CREB5: variants seen among roughly 807,000 people sequenced by gnomAD.
CREB5 encodes the protein cyclic AMP-responsive element-binding protein 5.
CREB5 carries 19 observed loss-of-function variants against 57.1 expected under a neutral mutation model. The ratio of observed to expected loss-of-function variants is 0.33; its 90% confidence interval spans 0.23 to 0.49. The LOEUF (loss-of-function observed/expected upper bound fraction) is 0.49. Among genes scored for constraint, CREB5 ranks in the 20% least tolerant of loss-of-function variants. CREB5 has a pLI of 0.99. For synonymous variants in CREB5, 238 were observed against 238.3 expected (o/e 1.00, Z 0.01); for missense variants, 579 against 671.6 (o/e 0.86, Z 1.52).
At chr7:28,477,280 C>T (rs775909710) in intron 1 of CREB5, among the ~76,000 whole-genome samples, 3 of 152,116 alleles carry the variant, frequency 2.0e-5, no homozygotes, top group Non-Finnish European at 4.4e-5. Flanking sequence ...TTCCCTTCCC[C>T]TTTCTTCAGC....
intron 1 of CREB5, among the ~76,000 whole-genome samples, chr7:28,305,455 G>A (rs1785166417): frequency 6.6e-6 from 1 of 152,166 alleles, no homozygotes; most frequent in Non-Finnish European, 1.5e-5. Flanking sequence ...GCTTTCCCCT[G>A]GGAATTCTAG....
At chr7:28,348,443 CAG>C (rs1405756037) in intron 1 of CREB5, among the ~76,000 whole-genome samples, 2 of 144,974 alleles carry the variant, frequency 1.4e-5, no homozygotes, top group East Asian at 2.1e-4. Flanking sequence ...CACACACACA[CAG>C]ACACCTTGCA....
intron 4 of CREB5, among the ~76,000 whole-genome samples, chr7:28,539,723 A>T (rs1250719101): frequency 6.6e-6 from 1 of 152,180 alleles, no homozygotes; most frequent in African/African-American, 2.4e-5. Context: ...TTTCAGTCTG[A>T]GTAAAGGCAC....
chr7:28,391,087 G>A (rs1787207273), intron 1 of CREB5, among the ~76,000 whole-genome samples: 1 of 152,100 alleles, frequency 6.6e-6, no homozygotes, highest in Non-Finnish European at 1.5e-5. Context: ...TGTCATCCTA[G>A]CACATTGGCT....
intron 7 of CREB5, among the ~76,000 whole-genome samples, chr7:28,788,915 AG>A (rs928787664): frequency 5.3e-5 from 8 of 151,926 alleles, no homozygotes; most frequent in Admixed American, 1.3e-4. Flanking sequence ...GGCTCCCTAG[AG>A]GGAAATAAGA....
intron 1 of CREB5, among the ~76,000 whole-genome samples, chr7:28,324,189 A>G (rs901864209): frequency 6.6e-6 from 1 of 152,184 alleles, no homozygotes. Flanking sequence ...GCTCCTGTTT[A>G]AAGAACATAA....
chr7:28,760,410 C>G (rs1237908914), intron 7 of CREB5, among the ~76,000 whole-genome samples: 3 of 152,132 alleles, frequency 2.0e-5, no homozygotes, highest in African/African-American at 4.8e-5. Flanking sequence ...TTACAAGGGC[C>G]CACTGATTAT....
intron 1 of CREB5, among the ~76,000 whole-genome samples, chr7:28,445,552 CTTT>C (rs879648466): frequency 7.0e-6 from 1 of 143,328 alleles, no homozygotes. Context: ...TCTTCTTTTT[CTTT>C]TTTTTTTTTT....
At chr7:28,766,324 T>G (rs1324555232) in intron 7 of CREB5, among the ~76,000 whole-genome samples, 2 of 152,044 alleles carry the variant, frequency 1.3e-5, no homozygotes, top group East Asian at 3.9e-4. Context: ...TGGAACAAGC[T>G]CCCTCAAACT....
chr7:28,749,773 G>A (rs1348317492), intron 7 of CREB5, among the ~76,000 whole-genome samples: 1 of 151,966 alleles, frequency 6.6e-6, no homozygotes, highest in African/African-American at 2.4e-5. Context: ...AGGTTGCTAG[G>A]GGTACCTAAT....
chr7:28,790,472 G>GAGAGAGAGAGAGAGAA (rs1562643098), intron 7 of CREB5, among the ~76,000 whole-genome samples: 19 of 124,936 alleles, frequency 1.5e-4, no homozygotes, highest in South Asian at 4.8e-4. Flanking sequence ...TAGAGAGAGA[G>GAGAGAGAGAGAGAGAA]AGAAAGAAAG....
intron 1 of CREB5, among the ~76,000 whole-genome samples, chr7:28,480,059 G>C (rs554944048): frequency 2.6e-5 from 4 of 151,306 alleles, no homozygotes; most frequent in Admixed American, 2.0e-4. Context: ...AAAATCATCT[G>C]CATGTGTGAA....
chr7:28,523,426 C>G (rs893765283), intron 4 of CREB5, among the ~76,000 whole-genome samples: 3 of 152,064 alleles, frequency 2.0e-5, no homozygotes, highest in Non-Finnish European at 2.9e-5. Flanking sequence ...CTAGTTGGGT[C>G]AGGAGCCAAG....
chr7:28,671,221 A>C (rs1583515215), intron 5 of CREB5, among the ~76,000 whole-genome samples: 1 of 151,332 alleles, frequency 6.6e-6, no homozygotes, highest in African/African-American at 2.4e-5. Context: ...TCACCACTGC[A>C]CTCCAGCCTG....
chr7:28,431,355 T>C (rs1788706423), intron 1 of CREB5, among the ~76,000 whole-genome samples: 1 of 152,178 alleles, frequency 6.6e-6, no homozygotes, highest in African/African-American at 2.4e-5. Flanking sequence ...GCATTCATAA[T>C]GTCACACTAT....
chr7:28,349,889 G>A (rs140281404), intron 1 of CREB5, among the ~76,000 whole-genome samples: 89 of 152,348 alleles, frequency 5.8e-4, no homozygotes, highest in African/African-American at 1.9e-3. Flanking sequence ...TGCTTCCTGT[G>A]TGGTAGCTCT....
In CREB5 at chr7:28,687,906, G is replaced by A. The variant is rs936505255; in HGVS notation, c.465-30847G>A. Reference sequence around the variant, plus strand: ...AACCATCTGGGCACTACTCTAAAGAGCAGGAAAGGGCAAGGTGGGCTAGAA... The same window carrying A: ...AACCATCTGGGCACTACTCTAAAGAACAGGAAAGGGCAAGGTGGGCTAGAA... On this transcript the variant is annotated intron_variant, in intron 5 of 10. Coordinates refer to ENST00000357727, the MANE Select transcript of CREB5 (RefSeq NM_182898.4). 3.3e-5 allele frequency among the ~76,000 whole-genome samples: 5 copies of A among 152,264 alleles called. No homozygotes were observed. The South Asian group carries it at 1.0e-3, about 32-fold the overall frequency.
chr7:28,689,346 T>C (rs1199945503), intron 5 of CREB5, among the ~76,000 whole-genome samples: 2 of 152,046 alleles, frequency 1.3e-5, no homozygotes, highest in Non-Finnish European at 2.9e-5. Context: ...CGGACACCTG[T>C]AGCCCCAGCT....
At chr7:28,533,923 T>C (rs554609546) in intron 4 of CREB5, among the ~76,000 whole-genome samples, 1 of 152,206 alleles carries the variant, frequency 6.6e-6, no homozygotes, top group East Asian at 1.9e-4. Flanking sequence ...TGAGTCAGAA[T>C]GACAGGGCAT....
Sources: gnomAD v4.1 joint callset for allele counts (sites outside exome capture counted in the v4.1 genomes callset) on GRCh38, gnomAD v4.1.1 for gene constraint, MANE v1.5 for transcripts, NCBI Gene and HGNC (gene_info 2026-07-23, HGNC 2026-07-21) for gene names.